The following ULK4 variants were observed in gnomAD, a reference collection of about 807,000 sequenced individuals.
ULK4 encodes the protein inactive serine/threonine-protein kinase ULK4.
A neutral mutation model predicts 160.6 loss-of-function variants in ULK4; 133 were observed. The observed-to-expected ratio is 0.83, with a 90% confidence interval of 0.72 to 0.96. The LOEUF (loss-of-function observed/expected upper bound fraction) is 0.96, where lower values mean the gene tolerates loss of function less well. ULK4 is among the 40% of genes least tolerant of loss of function. The pLI, the probability that ULK4 is intolerant of heterozygous loss-of-function variation, is 0.00. For synonymous variants in ULK4, 534 were observed against 539.8 expected (o/e 0.99, Z 0.15); for missense variants, 1,580 against 1,499.5 (o/e 1.05, Z -0.89).
At chr3:41,604,199 G>A (rs1171985228) in intron 31 of ULK4, among the ~76,000 whole-genome samples, 1 of 152,060 alleles carries the variant, frequency 6.6e-6, no homozygotes, top group East Asian at 1.9e-4. Flanking sequence ...AAACTAAGAG[G>A]TCAATGTGGT....
At chr3:41,378,687 G>A (rs1043841747) in intron 35 of ULK4, among the ~76,000 whole-genome samples, 1 of 151,566 alleles carries the variant, frequency 6.6e-6, no homozygotes, top group African/African-American at 2.4e-5. Context: ...TGTAAATGAC[G>A]AGTTAATGGG....
At position 41,525,274 on chromosome 3, in the gene ULK4, C is replaced by T. The variant is rs2086073827; in HGVS notation, c.3226+40751G>A. Among the ~76,000 whole-genome samples the T allele has an allele frequency of 4.6e-5, 7 of 152,164 alleles. No individual in the cohort carries two copies. The South Asian group carries it at 1.5e-3, about 32-fold the overall frequency. On this transcript the variant is annotated intron_variant, in intron 32 of 36. Transcript: ENST00000301831. ...AAGGGAAGCAGGACAGCAAGGAACA[C>T]TATGACTATTAATCTTTAGCATTAC...
intron 30 of ULK4, among the ~76,000 whole-genome samples, chr3:41,639,744 T>C (rs1165102656): frequency 6.6e-6 from 1 of 152,096 alleles, no homozygotes; most frequent in Non-Finnish European, 1.5e-5. Flanking sequence ...TAAATACATG[T>C]ATCTGTCAAA....
At chr3:41,892,898 C>A (rs1191417946) in intron 16 of ULK4, among the ~76,000 whole-genome samples, 1 of 152,352 alleles carries the variant, frequency 6.6e-6, no homozygotes, top group Middle Eastern at 3.4e-3. Flanking sequence ...CTGCTAAATA[C>A]ATCCCTGGTT....
chr3:41,364,338 C>T (rs1016520004), intron 35 of ULK4, among the ~76,000 whole-genome samples: 2 of 152,174 alleles, frequency 1.3e-5, no homozygotes, highest in African/African-American at 4.8e-5. Context: ...ACCTTTGCCC[C>T]TGAACTGATT....
chr3:41,384,548 C>A (rs1575495293), intron 35 of ULK4, among the ~76,000 whole-genome samples: 1 of 152,052 alleles, frequency 6.6e-6, no homozygotes, highest in African/African-American at 2.4e-5. Context: ...CAGATGAGAT[C>A]GGGTGCGTTC....
intron 32 of ULK4, among the ~76,000 whole-genome samples, chr3:41,494,059 A>T (rs928666232): frequency 9.4e-5 from 12 of 127,166 alleles, no homozygotes; most frequent in South Asian, 8.2e-4. Context: ...AAAAGAGGGA[A>T]TCCTCCCTAA....
intron 32 of ULK4, among the ~76,000 whole-genome samples, chr3:41,552,941 T>A (rs891080909): frequency 6.6e-6 from 1 of 152,066 alleles, no homozygotes; most frequent in Non-Finnish European, 1.5e-5. Flanking sequence ...ATCCCAGATA[T>A]AAATTCATGT....
At chr3:41,647,566 A>T (rs2034559601) in intron 30 of ULK4, among the ~76,000 whole-genome samples, 1 of 152,150 alleles carries the variant, frequency 6.6e-6, no homozygotes, top group South Asian at 2.1e-4. Context: ...TTTGTCTCAG[A>T]GGAGTACTGG....
At chr3:41,516,951 C>A (rs998334904) in intron 32 of ULK4, among the ~76,000 whole-genome samples, 1 of 152,068 alleles carries the variant, frequency 6.6e-6, no homozygotes, top group Non-Finnish European at 1.5e-5. Context: ...AATATATACA[C>A]CTACTATGTA....
At chr3:41,627,157 G>A (rs1441835300) in intron 30 of ULK4, among the ~76,000 whole-genome samples, 1 of 152,136 alleles carries the variant, frequency 6.6e-6, no homozygotes, top group Non-Finnish European at 1.5e-5. Flanking sequence ...AAAATTAAGA[G>A]GAATGAAGTC....
At chr3:41,365,492 T>C (rs1487619833) in intron 35 of ULK4, among the ~76,000 whole-genome samples, 3 of 152,224 alleles carry the variant, frequency 2.0e-5, no homozygotes, top group African/African-American at 4.8e-5. Context: ...ATAAAAATGA[T>C]GATAATGACA....
intron 21 of ULK4, among the ~76,000 whole-genome samples, chr3:41,765,861 A>G (rs2039144801): frequency 6.6e-6 from 1 of 152,230 alleles, no homozygotes; most frequent in African/African-American, 2.4e-5. Flanking sequence ...GTCCAGTAAA[A>G]CAACAAAATG....
intron 18 of ULK4, among the ~76,000 whole-genome samples, chr3:41,827,822 C>G (rs900863886): frequency 6.6e-6 from 1 of 151,884 alleles, no homozygotes; most frequent in Non-Finnish European, 1.5e-5. Flanking sequence ...ATCCTGATAC[C>G]AAAGCCTGGC....
At chr3:41,697,782 C>T (rs2036549539) in intron 27 of ULK4, among the ~76,000 whole-genome samples, 1 of 151,820 alleles carries the variant, frequency 6.6e-6, no homozygotes, top group South Asian at 2.1e-4. Context: ...AGCCTCTGTG[C>T]CAGACCAAAA....
chr3:41,706,737 A>G (rs980007481), intron 25 of ULK4, among the ~76,000 whole-genome samples: 12 of 150,624 alleles, frequency 8.0e-5, no homozygotes, highest in Non-Finnish European at 1.6e-4. Flanking sequence ...CTGAGGCAGG[A>G]GAATTGCTTG....
At chr3:41,914,811 A>T (rs1698912816) in intron 8 of ULK4, 1 of 152,152 alleles carries the variant, frequency 6.6e-6, no homozygotes, top group South Asian at 2.1e-4. Context: ...TGAGGCCAGG[A>T]GCTCGAGACC....
At chr3:41,901,918 T>C (rs925951742) in intron 12 of ULK4, among the ~76,000 whole-genome samples, 5 of 152,210 alleles carry the variant, frequency 3.3e-5, no homozygotes, top group African/African-American at 1.2e-4. Context: ...TAAACCTCAA[T>C]TATTTATTAA....
At chr3:41,922,839 C>T (rs966263636) in intron 5 of ULK4, among the ~76,000 whole-genome samples, 3 of 152,110 alleles carry the variant, frequency 2.0e-5, no homozygotes, top group Non-Finnish European at 1.5e-5. Context: ...TAGATAGATG[C>T]CATGCAGTCT....
Sources: allele counts gnomAD v4.1 joint callset (sites outside exome capture counted in the v4.1 genomes callset), GRCh38; gene constraint gnomAD v4.1.1; transcripts MANE v1.5; gene names NCBI Gene and HGNC (gene_info 2026-07-23, HGNC 2026-07-21).